The following NCAM1 variants were observed in gnomAD, a reference collection of about 807,000 sequenced individuals.
NCAM1 encodes antigen recognized by monoclonal antibody 5.1H11.
NCAM1 carries 14 observed loss-of-function variants against 109.8 expected under a neutral mutation model. That is an observed-to-expected ratio of 0.13 (90% confidence interval 0.08 to 0.20). The LOEUF is 0.20. Ranked by LOEUF, NCAM1 falls within the 10% of genes least tolerant of loss-of-function variation. The probability of loss-of-function intolerance (pLI) is 1.00; values close to 1 mark genes in which losing one functional copy is unlikely to be tolerated. For missense variants in NCAM1, 774 were observed against 1,109.9 expected (o/e 0.70, Z 4.30); for synonymous variants, 418 against 442.9 (o/e 0.94, Z 0.70).
At chr11:113,020,045 C>T (rs1053404110) in intron 1 of NCAM1, among the ~76,000 whole-genome samples, 8 of 152,160 alleles carry the variant, frequency 5.3e-5, no homozygotes, top group Non-Finnish European at 1.0e-4. Context: ...TGTTCAAGGC[C>T]GTCATCAGCT....
intron 17 of NCAM1, chr11:113,262,966 T>A: frequency 6.3e-7 from 1 of 1,596,980 alleles, no homozygotes; most frequent in South Asian, 1.1e-5. Context: ...AAAGCCCAGT[T>A]CCTATGAAAA....
Position 113,275,393 on chromosome 11 carries a change from G to C in NCAM1, c.*6G>C. On this transcript the variant is annotated 3_prime_UTR_variant, in exon 20 of 20. Transcript: ENST00000316851. ...AGAACGAGAGCAAAGCATGATGGGT[G>C]AAGAGAACCGAGCAAAGATCAAAAT... 6.2e-6 allele frequency: 10 copies of C among 1,610,686 alleles called. No homozygotes were observed. Among genetic ancestry groups the C allele is most frequent in the Non-Finnish European group, 8.5e-6 (10 of 1,178,360 alleles).
chr11:113,076,735 T>C (rs1555086194), intron 1 of NCAM1, among the ~76,000 whole-genome samples: 1 of 152,244 alleles, frequency 6.6e-6, no homozygotes, highest in Non-Finnish European at 1.5e-5. Context: ...GATTTGTTTC[T>C]AGGGTTTCAA....
intron 1 of NCAM1, 75 bp downstream of exon 1, chr11:112,961,739 A>G: frequency 2.0e-6 from 2 of 979,222 alleles, no homozygotes; most frequent in Non-Finnish European, 3.1e-6. Flanking sequence ...GAGGAACGCT[A>G]TTATTTTGGG....
chr11:113,251,227 A>G (rs1945668493), intron 15 of NCAM1, among the ~76,000 whole-genome samples: 2 of 152,222 alleles, frequency 1.3e-5, no homozygotes, highest in Non-Finnish European at 2.9e-5. Context: ...GCTAAAATTC[A>G]CCAATGCTGT....
At chr11:113,058,857 C>G (rs767512147) in intron 1 of NCAM1, among the ~76,000 whole-genome samples, 85 of 152,328 alleles carry the variant, frequency 5.6e-4, no homozygotes, top group Non-Finnish European at 9.6e-4. Context: ...CTGACAGACA[C>G]ACTTTCATCT....
At chr11:113,216,031 C>T (rs186568414) in intron 8 of NCAM1, among the ~76,000 whole-genome samples, 1 of 151,838 alleles carries the variant, frequency 6.6e-6, no homozygotes, top group East Asian at 1.9e-4. Context: ...CTTTTGAATT[C>T]TATATCTTTT....
chr11:113,082,323 G>A (rs1330001576), intron 1 of NCAM1, among the ~76,000 whole-genome samples: 2 of 152,154 alleles, frequency 1.3e-5, no homozygotes, highest in Non-Finnish European at 2.9e-5. Context: ...TTTTTGATAT[G>A]CCCATAGACT....
intron 1 of NCAM1, among the ~76,000 whole-genome samples, chr11:113,031,535 T>C (rs1555078333): frequency 7.2e-5 from 11 of 151,862 alleles, no homozygotes. Flanking sequence ...CCACTAAAAA[T>C]ATAAAATTTA....
chr11:113,248,540 T>C (rs1168091009), intron 15 of NCAM1, among the ~76,000 whole-genome samples: 1 of 151,486 alleles, frequency 6.6e-6, no homozygotes, highest in Non-Finnish European at 1.5e-5. Flanking sequence ...ATGAGAAAAG[T>C]GAGAGTAAGC....
intron 17 of NCAM1, chr11:113,264,542 T>A (rs943371846): frequency 9.4e-5 from 93 of 985,346 alleles, no homozygotes; most frequent in African/African-American, 5.9e-4. Flanking sequence ...AGCATAAGGA[T>A]CCCAGGTCAG....
Position 113,260,308 on chromosome 11 carries a change from C to A in NCAM1, c.2116C>A (p.Pro706Thr). 6.2e-7 allele frequency: 1 copy of A among 1,612,108 alleles called. No individual in the cohort carries two copies. Among genetic ancestry groups the A allele is most frequent in the South Asian group, 1.1e-5 (1 of 90,624 alleles). Residue 706 changes from proline (P) to threonine (T), a missense_variant, in exon 17 of 20, where the codon CCC becomes ACC. Coordinates refer to ENST00000316851, the MANE Select transcript of NCAM1 (RefSeq NM_181351.5). Reference sequence around the variant, plus strand: ...TTTTGTGTTCAGGACCTCGGCCCAGCCCACAGCCATCCCAGGTATGGCTGC... The same window carrying A: ...TTTTGTGTTCAGGACCTCGGCCCAGACCACAGCCATCCCAGGTATGGCTGC... The part of the protein sequence containing the change: ...AHFVFRTSAQ[P>T]TAIPANGSPT...
At chr11:112,974,314 G>T (rs550144915) in intron 1 of NCAM1, among the ~76,000 whole-genome samples, 276 of 152,004 alleles carry the variant, frequency 1.8e-3, no homozygotes, top group South Asian at 8.3e-3. Context: ...GTTTGCTGTT[G>T]TATCTCCTTT....
intron 7 of NCAM1, among the ~76,000 whole-genome samples, chr11:113,208,622 A>T (rs534668211): frequency 1.3e-5 from 2 of 151,978 alleles, no homozygotes; most frequent in African/African-American, 4.8e-5. Context: ...TGCCCTGGCT[A>T]ATTCAACTCC....
chr11:113,149,775 C>A (rs1474583947), intron 1 of NCAM1, among the ~76,000 whole-genome samples: 1 of 152,142 alleles, frequency 6.6e-6, no homozygotes, highest in Non-Finnish European at 1.5e-5. Context: ...AGCCAGAGAA[C>A]AAACTGAATT....
At chr11:113,149,242 T>C (rs1190015944) in intron 1 of NCAM1, among the ~76,000 whole-genome samples, 1 of 152,160 alleles carries the variant, frequency 6.6e-6, no homozygotes, top group Non-Finnish European at 1.5e-5. Flanking sequence ...CAGCAAAGCC[T>C]GGCTAGGGCT....
chr11:113,273,515 A>C lies in NCAM1; in HGVS notation c.2456+1639A>C. The stretch of plus-strand genomic sequence containing the variant: ...CGAAGAGCCCGGCCGAGGCAGCCAC[A>C]GCCCTTGCTAGCCCGAAGAGCGAGG... On this transcript the variant is annotated intron_variant, in intron 19 of 19. Coordinates refer to ENST00000316851, the MANE Select transcript of NCAM1 (RefSeq NM_181351.5). The surrounding 1 kb of genome is among the most constrained non-coding windows in gnomAD (Gnocchi z 6.0). 3.0e-6 allele frequency: 1 copy of C among 338,968 alleles called. No individual in the cohort carries two copies. The allele number at this position is 338,968 out of a possible 1,614,324, so 21.0% of individuals were successfully genotyped here. A position where few individuals can be genotyped will look rare whatever the true frequency, so the allele number is the denominator to read the frequency against.
intron 9 of NCAM1, chr11:113,221,624 G>T: frequency 3.3e-6 from 1 of 299,196 alleles, no homozygotes; most frequent in Non-Finnish European, 6.3e-6. Flanking sequence ...CCAATTCCCA[G>T]GCCAGGCATT....
At chr11:113,190,947 C>G (rs947658135) in intron 1 of NCAM1, among the ~76,000 whole-genome samples, 2 of 152,174 alleles carry the variant, frequency 1.3e-5, no homozygotes, top group African/African-American at 2.4e-5. Flanking sequence ...TATGAATAAT[C>G]TGTTTCAAAT....
Sources: allele counts gnomAD v4.1 joint callset (sites outside exome capture counted in the v4.1 genomes callset), GRCh38; gene constraint gnomAD v4.1.1; non-coding constraint Gnocchi (gnomAD v3.1); transcripts MANE v1.5; gene names NCBI Gene and HGNC (gene_info 2026-07-23, HGNC 2026-07-21).